The following PDE10A variants were observed in gnomAD, a reference collection of about 807,000 sequenced individuals.
PDE10A encodes cAMP and cAMP-inhibited cGMP 3',5'-cyclic phosphodiesterase 10A.
A neutral mutation model predicts 97.7 loss-of-function variants in PDE10A; 39 were observed. That is an observed-to-expected ratio of 0.40 (90% CI 0.31 to 0.52). The LOEUF is 0.52. Among genes scored for constraint, PDE10A ranks in the 20% least tolerant of loss-of-function variants. PDE10A has a pLI of 0.56. For synonymous variants in PDE10A, 371 were observed against 376.8 expected (o/e 0.98, Z 0.18); for missense variants, 731 against 1,047.8 (o/e 0.70, Z 4.17).
intron 13 of PDE10A, among the ~76,000 whole-genome samples, chr6:165,405,840 C>A (rs1787097860): frequency 6.6e-6 from 1 of 152,074 alleles, no homozygotes; most frequent in Non-Finnish European, 1.5e-5. Flanking sequence ...GCAGAGCAGG[C>A]GCTTTTGGAA....
intron 1 of PDE10A, among the ~76,000 whole-genome samples, chr6:165,552,430 T>C (rs956039529): frequency 6.6e-6 from 1 of 152,034 alleles, no homozygotes; most frequent in African/African-American, 2.4e-5. Context: ...GCCTAGACTG[T>C]TTGTGCATTT....
At chr6:165,587,761 A>G (rs905982972) in intron 1 of PDE10A, among the ~76,000 whole-genome samples, 4 of 152,210 alleles carry the variant, frequency 2.6e-5, no homozygotes, top group African/African-American at 9.6e-5. Flanking sequence ...CATAATTTTC[A>G]TATGTCTTCC....
intron 17 of PDE10A, among the ~76,000 whole-genome samples, chr6:165,384,174 G>A (rs1439869773): frequency 1.3e-5 from 2 of 152,160 alleles, no homozygotes; most frequent in South Asian, 2.1e-4. Context: ...TGGAGAAACA[G>A]TGATGGATGA....
chr6:165,943,327 G>GAA (rs66686171), intron 1 of PDE10A, among the ~76,000 whole-genome samples: 953 of 72,472 alleles, frequency 0.013, 115 homozygotes, highest in African/African-American at 0.039. Context: ...AGGAAAGAAA[G>GAA]AAAAAGAAAG....
chr6:165,763,474 C>A (rs748454161), intron 1 of PDE10A, among the ~76,000 whole-genome samples: 1 of 152,278 alleles, frequency 6.6e-6, no homozygotes, highest in African/African-American at 2.4e-5. Flanking sequence ...AGGCGCCCAC[C>A]ACCATACCCA....
intron 1 of PDE10A, among the ~76,000 whole-genome samples, chr6:165,656,331 T>G (rs1789965054): frequency 6.7e-6 from 1 of 149,332 alleles, no homozygotes; most frequent in African/African-American, 2.5e-5. Context: ...GTCAGATGTC[T>G]CCTGCCTTAT....
chr6:165,699,810 C>T (rs1401127239), intron 1 of PDE10A, among the ~76,000 whole-genome samples: 6 of 152,028 alleles, frequency 3.9e-5, no homozygotes, highest in Non-Finnish European at 8.8e-5. Flanking sequence ...CATACCAAAA[C>T]TTATGGGACG....
intron 1 of PDE10A, among the ~76,000 whole-genome samples, chr6:165,883,519 G>A (rs1344789988): frequency 1.4e-5 from 2 of 147,040 alleles, no homozygotes; most frequent in South Asian, 2.2e-4. Context: ...CAGCCTTGAC[G>A]ACAAATTGAG....
At chr6:165,658,302 C>T (rs1353059588) in intron 1 of PDE10A, among the ~76,000 whole-genome samples, 1 of 152,206 alleles carries the variant, frequency 6.6e-6, no homozygotes. Flanking sequence ...TTCCTGGGAG[C>T]ATACACATCT....
intron 1 of PDE10A, among the ~76,000 whole-genome samples, chr6:165,873,478 T>C (rs1323449004): frequency 6.6e-6 from 1 of 152,092 alleles, no homozygotes; most frequent in Non-Finnish European, 1.5e-5. Context: ...TTTCATATTA[T>C]AAATTCAGAG....
intron 2 of PDE10A, among the ~76,000 whole-genome samples, chr6:165,540,592 G>A (rs531927259): frequency 2.2e-4 from 34 of 152,148 alleles, no homozygotes; most frequent in South Asian, 8.3e-4. Flanking sequence ...AAAAGTTTTC[G>A]GTGAAGCAAC....
At chr6:165,932,680 C>T (rs1001047945) in intron 1 of PDE10A, among the ~76,000 whole-genome samples, 1 of 152,206 alleles carries the variant, frequency 6.6e-6, no homozygotes, top group Admixed American at 6.5e-5. Context: ...CCATGTTGGT[C>T]AGGCTGGTCT....
chr6:165,925,774 G>A (rs1782914336), intron 1 of PDE10A, among the ~76,000 whole-genome samples: 1 of 152,240 alleles, frequency 6.6e-6, no homozygotes, highest in Non-Finnish European at 1.5e-5. Context: ...ATGGAGACTA[G>A]TGATAGAATT....
At chr6:165,379,500 T>C (rs9459407) in intron 17 of PDE10A, 134 bp from the exon 18 acceptor site, 52,346 of 643,998 alleles carry the variant, frequency 0.081, 2,516 homozygotes, top group Middle Eastern at 0.14. Flanking sequence ...GGGTAACTTT[T>C]GTTTTTTTTG....
chr6:165,649,598 C>T (rs1415203844), intron 1 of PDE10A, among the ~76,000 whole-genome samples: 1 of 152,190 alleles, frequency 6.6e-6, no homozygotes, highest in Non-Finnish European at 1.5e-5. Context: ...GCAGCTCCCA[C>T]TCTGCCCTGC....
chr6:165,886,378 C>A (rs1781634011), intron 1 of PDE10A, among the ~76,000 whole-genome samples: 1 of 150,520 alleles, frequency 6.6e-6, no homozygotes, highest in South Asian at 2.1e-4. Context: ...CCCTGGAGCC[C>A]TGGAGCCAGA....
chr6:165,489,159 A>G (rs1324123354), intron 2 of PDE10A, among the ~76,000 whole-genome samples: 1 of 152,062 alleles, frequency 6.6e-6, no homozygotes, highest in Non-Finnish European at 1.5e-5. Context: ...CAGTGCACTA[A>G]ACAAAAACAC....
At chr6:165,850,201 A>G (rs1780537193) in intron 1 of PDE10A, among the ~76,000 whole-genome samples, 1 of 152,182 alleles carries the variant, frequency 6.6e-6, no homozygotes, top group Non-Finnish European at 1.5e-5. Context: ...AGCTCGCCCC[A>G]TGGAGCCGCC....
At position 165,705,243 on chromosome 6, in the gene PDE10A, C is replaced by G. The variant is rs868241377; in HGVS notation, c.-614-161675G>C. Among the ~76,000 whole-genome samples, 6 of 152,378 alleles carry G rather than the reference C, an allele frequency of 3.9e-5. 1 individual carries two copies. The highest frequency in any genetic ancestry group is 6.8e-3 in the Middle Eastern group (2 of 294). On this transcript the variant is annotated intron_variant, in intron 1 of 19. Coordinates refer to the PDE10A transcript ENST00000366882. ...TAAGACCAGGTAGAGATCATCTCAG[C>G]TGGAACAGCTGGCTAGATTGCTTAA...
Sources: allele counts gnomAD v4.1 joint callset (sites outside exome capture counted in the v4.1 genomes callset), GRCh38; gene constraint gnomAD v4.1.1; transcripts MANE v1.5; gene names NCBI Gene and HGNC (gene_info 2026-07-23, HGNC 2026-07-21).